Variants in SLC10A7 observed in about 807,000 individuals in gnomAD.
SLC10A7 encodes the protein sodium/bile acid cotransporter 7.
A neutral mutation model predicts 43.2 loss-of-function variants in SLC10A7; 29 were observed. The observed-to-expected ratio is 0.67, with a 90% confidence interval of 0.50 to 0.92. The LOEUF is 0.92. SLC10A7 is among the 40% of genes least tolerant of loss of function. SLC10A7 has a pLI of 0.00. For missense variants in SLC10A7, 295 were observed against 403.2 expected, an observed-to-expected ratio of 0.73 and a Z score of 2.30; for synonymous variants, 152 against 144.8, an observed-to-expected ratio of 1.05 and a Z score of -0.35.
At chr4:146,383,233 A>T (rs921980734) in intron 5 of SLC10A7, among the ~76,000 whole-genome samples, 7 of 152,150 alleles carry the variant, frequency 4.6e-5, no homozygotes, top group Non-Finnish European at 8.8e-5. Flanking sequence ...AGTACTCTGT[A>T]TATAAGAACT....
At chr4:146,420,305 G>A (rs1043754645) in intron 5 of SLC10A7, among the ~76,000 whole-genome samples, 6 of 152,046 alleles carry the variant, frequency 3.9e-5, no homozygotes, top group Non-Finnish European at 7.4e-5. Flanking sequence ...ATGATGCTTC[G>A]CAACAATTAA....
chr4:146,296,327 G>C (rs894280089), intron 7 of SLC10A7, among the ~76,000 whole-genome samples: 9 of 152,032 alleles, frequency 5.9e-5, no homozygotes, highest in Admixed American at 1.3e-4. Flanking sequence ...TTAATCTGCA[G>C]GTGGTTGAAT....
chr4:146,328,525 C>A (rs1218140738), intron 5 of SLC10A7, among the ~76,000 whole-genome samples: 2 of 152,184 alleles, frequency 1.3e-5, no homozygotes, highest in Non-Finnish European at 2.9e-5. Context: ...TGCCAGCACC[C>A]ATGCACAGTG....
At chr4:146,476,408 T>A (rs766506461) in intron 4 of SLC10A7, among the ~76,000 whole-genome samples, 11 of 152,054 alleles carry the variant, frequency 7.2e-5, no homozygotes, top group Non-Finnish European at 1.5e-4. Context: ...TGGTCAGCAG[T>A]ATTGACAACT....
chr4:146,358,520 A>T (rs1032416643), intron 5 of SLC10A7, among the ~76,000 whole-genome samples: 3 of 152,186 alleles, frequency 2.0e-5, no homozygotes, highest in Admixed American at 6.6e-5. Flanking sequence ...AATCTCTCCA[A>T]GTCAATACTC....
chr4:146,395,899 A>G (rs541033734), intron 5 of SLC10A7, among the ~76,000 whole-genome samples: 187 of 152,288 alleles, frequency 1.2e-3, no homozygotes, highest in Non-Finnish European at 2.1e-3. Flanking sequence ...AGAACTTAGC[A>G]TACATGAAAA....
chr4:146,409,073 G>A (rs1463959190), intron 5 of SLC10A7, among the ~76,000 whole-genome samples: 1 of 152,010 alleles, frequency 6.6e-6, no homozygotes, highest in East Asian at 1.9e-4. Flanking sequence ...TATTCTGAAA[G>A]GTAATTTAAC....
chr4:146,372,784 T>C (rs548050429), intron 5 of SLC10A7, among the ~76,000 whole-genome samples: 61 of 152,320 alleles, frequency 4.0e-4, no homozygotes, highest in South Asian at 2.7e-3. Flanking sequence ...GTTAACTTAA[T>C]GTTTCATCAA....
At chr4:146,395,866 T>C (rs1738789202) in intron 5 of SLC10A7, among the ~76,000 whole-genome samples, 1 of 152,188 alleles carries the variant, frequency 6.6e-6, no homozygotes, top group African/African-American at 2.4e-5. Flanking sequence ...CATTTGTTTT[T>C]CTTTGTTCAG....
chr4:146,507,062 T>A (rs1736979302), intron 3 of SLC10A7, among the ~76,000 whole-genome samples: 2 of 152,194 alleles, frequency 1.3e-5, no homozygotes. Context: ...AACATATACA[T>A]CTACTCTCTT....
intron 6 of SLC10A7, among the ~76,000 whole-genome samples, chr4:146,322,317 C>A (rs188518834): frequency 1.3e-5 from 2 of 151,582 alleles, no homozygotes. Flanking sequence ...GTGTGCTACA[C>A]CCATTAACTC....
intron 4 of SLC10A7, among the ~76,000 whole-genome samples, chr4:146,446,843 T>G (rs907546471): frequency 1.3e-5 from 2 of 152,152 alleles, no homozygotes; most frequent in African/African-American, 2.4e-5. Context: ...CCACTGGTAC[T>G]CTTTTAAAAT....
At chr4:146,290,922 T>C (rs556893654) in intron 9 of SLC10A7, among the ~76,000 whole-genome samples, 1 of 146,436 alleles carries the variant, frequency 6.8e-6, no homozygotes, top group Non-Finnish European at 1.5e-5. Context: ...CCTCAGTGAA[T>C]GCAGAATAAG....
At chr4:146,404,769 T>A (rs1032877331) in intron 5 of SLC10A7, among the ~76,000 whole-genome samples, 4 of 152,106 alleles carry the variant, frequency 2.6e-5, no homozygotes, top group African/African-American at 9.7e-5. Flanking sequence ...CGCACCTGGC[T>A]TATGTGTTGC....
chr4:146,442,738 T>G, intron 5 of SLC10A7, 45 bp downstream of exon 5: 1 of 1,594,658 alleles, frequency 6.3e-7, no homozygotes, highest in Middle Eastern at 1.7e-4. Context: ...ATACACAATA[T>G]CACAGCAAAA....
In SLC10A7 at chr4:146,305,941, A is replaced by T. The variant is rs767142483; in HGVS notation, c.540T>A (p.Pro180=). The T allele has an allele frequency of 6.2e-7, 1 of 1,609,770 alleles. No homozygotes were observed. The highest frequency in any genetic ancestry group is 8.5e-7 in the Non-Finnish European group (1 of 1,178,408). ...GAGGCCTTACCTGTCCAATGATGAG[A>T]GGAACCACAACAGTCATAAAAAGCT... is the stretch of plus-strand genomic sequence containing the variant. ...FSQLFMTVVV[P]LIIGQIVRRY... The change falls in exon 7 of 12, where the codon CCT becomes CCA. Residue 180 remains proline (P), a synonymous_variant. Transcript: ENST00000335472.
chr4:146,286,210 T>A, intron 9 of SLC10A7, among the ~76,000 whole-genome samples: 1 of 137,482 alleles, frequency 7.3e-6, no homozygotes, highest in Non-Finnish European at 1.6e-5. Context: ...GTGTTTGGAG[T>A]GGTGAGAAGG....
intron 5 of SLC10A7, among the ~76,000 whole-genome samples, chr4:146,425,790 G>A (rs889888188): frequency 6.6e-6 from 1 of 152,130 alleles, no homozygotes; most frequent in Non-Finnish European, 1.5e-5. Context: ...AAAGAAGATC[G>A]CTGGTCCAAA....
intron 5 of SLC10A7, among the ~76,000 whole-genome samples, chr4:146,371,653 G>A (rs1736788800): frequency 6.6e-6 from 1 of 152,168 alleles, no homozygotes; most frequent in Non-Finnish European, 1.5e-5. Flanking sequence ...CTGCCTCCTA[G>A]GAGTGACCTG....
Sources: allele counts gnomAD v4.1 joint callset (sites outside exome capture counted in the v4.1 genomes callset), GRCh38; gene constraint gnomAD v4.1.1; transcripts MANE v1.5; gene names NCBI Gene and HGNC (gene_info 2026-07-23, HGNC 2026-07-21).